Variants in PARG observed in about 807,000 individuals in gnomAD.
The protein encoded by PARG is mitochondrial poly(ADP-ribose) glycohydrolase.
A neutral mutation model predicts 113.0 loss-of-function variants in PARG; 35 were observed. The ratio of observed to expected loss-of-function variants is 0.31; its 90% confidence interval spans 0.24 to 0.41. PARG has a LOEUF of 0.41. Among genes scored for constraint, PARG ranks in the 10% least tolerant of loss-of-function variants. PARG has a pLI of 1.00. For synonymous variants in PARG, 330 were observed against 409.9 expected, an observed-to-expected ratio of 0.81 and a Z score of 2.36; for missense variants, 797 against 1,169.4, an observed-to-expected ratio of 0.68 and a Z score of 4.64.
chr10:49,890,832 T>G (rs559118878), intron 7 of PARG, among the ~76,000 whole-genome samples: 6 of 152,346 alleles, frequency 3.9e-5, no homozygotes, highest in Non-Finnish European at 7.4e-5. Flanking sequence ...TGCTCTAATA[T>G]TTATGAAAGA....
chr10:49,907,174 T>C (rs1389827050), intron 7 of PARG, among the ~76,000 whole-genome samples: 9 of 152,244 alleles, frequency 5.9e-5, no homozygotes, highest in Non-Finnish European at 8.8e-5. Flanking sequence ...AATGTCTTTT[T>C]GTAACACTTT....
intron 7 of PARG, among the ~76,000 whole-genome samples, chr10:49,912,748 T>C (rs1253067059): frequency 2.0e-5 from 3 of 152,130 alleles, no homozygotes; most frequent in African/African-American, 7.2e-5. Flanking sequence ...GAAGATTGCT[T>C]GAGCCCAAGA....
chr10:49,880,133 C>T (rs1847144679), intron 8 of PARG, among the ~76,000 whole-genome samples: 1 of 151,848 alleles, frequency 6.6e-6, no homozygotes, highest in South Asian at 2.1e-4. Context: ...ACACATTGCC[C>T]ATGTAATGAA....
chr10:49,832,843 G>A lies in PARG; in HGVS notation c.2607C>T (p.Asn869=). Residue 869 remains asparagine (N), a synonymous_variant, in exon 16 of 18, where the codon AAC becomes AAT. Transcript: ENST00000616448. ...SENLSAVATG[N]WGCGAFGGDA... is the part of the protein sequence containing the mutation. ...CACCCCCAAAGGCACCACAGCCCCA[G>A]TTTCCTGTGGCCACTGCAGAAAGAT... The A allele has an allele frequency of 6.4e-7, 1 of 1,550,618 alleles. No individual in the cohort carries two copies. Among genetic ancestry groups the A allele is most frequent in the South Asian group, 1.2e-5 (1 of 84,034 alleles).
At chr10:49,930,420 C>T (rs1445577602) in intron 4 of PARG, among the ~76,000 whole-genome samples, 1 of 151,764 alleles carries the variant, frequency 6.6e-6, no homozygotes, top group East Asian at 1.9e-4. Flanking sequence ...CTTGCTACAG[C>T]ACAGATACTG....
At chr10:49,841,193 C>T (rs1554832237) in intron 15 of PARG, among the ~76,000 whole-genome samples, 7 of 151,566 alleles carry the variant, frequency 4.6e-5, no homozygotes. Context: ...GCGGAGGTTG[C>T]AGTGAGCCAA....
chr10:49,841,836 TG>T, intron 15 of PARG, 113 bp downstream of exon 15: 1 of 679,796 alleles, frequency 1.5e-6, no homozygotes, highest in Non-Finnish European at 2.6e-6. Context: ...AGGAGAGCTG[TG>T]GGCAGACATA....
chr10:49,843,387 G>A (rs150327985), intron 14 of PARG, among the ~76,000 whole-genome samples, 167 bp downstream of exon 14: 1 of 152,248 alleles, frequency 6.6e-6, no homozygotes, highest in African/African-American at 2.4e-5. Flanking sequence ...ACAGGAAGAT[G>A]GTAATAGTGT....
intron 7 of PARG, among the ~76,000 whole-genome samples, chr10:49,914,324 T>G (rs1837349938): frequency 6.6e-6 from 1 of 152,254 alleles, no homozygotes; most frequent in Admixed American, 6.5e-5. Context: ...TTATATCGGT[T>G]TGATCTACTT....
chr10:49,829,050 C>T (rs1445418189), intron 16 of PARG, among the ~76,000 whole-genome samples: 2 of 152,114 alleles, frequency 1.3e-5, no homozygotes, highest in African/African-American at 4.8e-5. Flanking sequence ...GCTTGGCCAA[C>T]ATGGTGAGAC....
chr10:49,894,823 T>A (rs1228493785), intron 7 of PARG, among the ~76,000 whole-genome samples: 3 of 152,164 alleles, frequency 2.0e-5, no homozygotes, highest in African/African-American at 7.2e-5. Flanking sequence ...ACAACAAAAA[T>A]GTATTATCTC....
At chr10:49,912,622 C>A (rs548345973) in intron 7 of PARG, among the ~76,000 whole-genome samples, 303 of 151,896 alleles carry the variant, frequency 2.0e-3, no homozygotes, top group African/African-American at 7.0e-3. Flanking sequence ...GAGATTACAT[C>A]ACTGCATTCC....
At chr10:49,895,723 C>A (rs1355315761) in intron 7 of PARG, among the ~76,000 whole-genome samples, 1 of 152,034 alleles carries the variant, frequency 6.6e-6, no homozygotes, top group Non-Finnish European at 1.5e-5. Context: ...GATATCTTAA[C>A]CACACTGAGT....
chr10:49,925,743 T>C (rs1306681885), intron 4 of PARG, among the ~76,000 whole-genome samples: 3 of 152,230 alleles, frequency 2.0e-5, no homozygotes, highest in African/African-American at 7.2e-5. Context: ...GGAGCCCTCT[T>C]AGGGGCCTGC....
chr10:49,852,242 A>T (rs1554834309), intron 13 of PARG, among the ~76,000 whole-genome samples: 2 of 152,184 alleles, frequency 1.3e-5, no homozygotes, highest in African/African-American at 4.8e-5. Flanking sequence ...AGGAGGCACT[A>T]TAATAAAGTT....
chr10:49,836,064 CAT>C (rs1444154852), intron 15 of PARG, among the ~76,000 whole-genome samples: 2 of 152,064 alleles, frequency 1.3e-5, no homozygotes, highest in African/African-American at 4.8e-5. Flanking sequence ...TGTAAAGTGA[CAT>C]GTGCACAGTG....
rs79628750 is a variant in PARG at position 49,831,962 on chromosome 10, T to C, written c.2647+841A>G. On this transcript the variant is annotated intron_variant, in intron 16 of 17. Coordinates refer to ENST00000616448, the MANE Select transcript of PARG (RefSeq NM_003631.5). ...GTGGGGGCAGTCTTGTGGACTCTGT[T>C]CTTAATAGGCGAGATCTGCGATTAC... 1.2e-3 allele frequency among the ~76,000 whole-genome samples: 189 copies of C among 152,188 alleles called. 1 individual carries two copies. The East Asian group carries it at 0.018, about 14-fold the overall frequency.
chr10:49,825,779 A>G (rs1844324559), intron 16 of PARG, among the ~76,000 whole-genome samples: 1 of 152,138 alleles, frequency 6.6e-6, no homozygotes, highest in Non-Finnish European at 1.5e-5. Flanking sequence ...AACTGTGCAA[A>G]CCATAAGAGA....
chr10:49,881,783 T>C (rs1554839521), intron 8 of PARG, among the ~76,000 whole-genome samples: 1 of 152,154 alleles, frequency 6.6e-6, no homozygotes, highest in African/African-American at 2.4e-5. Context: ...GGTAAACAAA[T>C]AAGCAAAAGG....
Sources: gnomAD v4.1 joint callset for allele counts (sites outside exome capture counted in the v4.1 genomes callset) on GRCh38, gnomAD v4.1.1 for gene constraint, MANE v1.5 for transcripts, NCBI Gene and HGNC (gene_info 2026-07-23, HGNC 2026-07-21) for gene names.